THNSL2: variants seen among roughly 807,000 people sequenced by gnomAD.
The protein encoded by THNSL2 is threonine synthase-like 2.
A neutral mutation model predicts 40.0 loss-of-function variants in THNSL2; 34 were observed. That is an observed-to-expected ratio of 0.85 (90% CI 0.65 to 1.13). The LOEUF (loss-of-function observed/expected upper bound fraction) is 1.13, where lower values mean the gene tolerates loss of function less well. Ranked by LOEUF, THNSL2 falls within the 50% of genes most tolerant of loss-of-function variation. THNSL2 has a pLI of 0.00. For missense variants in THNSL2, 537 were observed against 608.8 expected (o/e 0.88, Z 1.24); for synonymous variants, 241 against 247.5 (o/e 0.97, Z 0.25).
chr2:88,184,940 T>C (rs1678104082), intron 7 of THNSL2, among the ~76,000 whole-genome samples: 1 of 151,812 alleles, frequency 6.6e-6, no homozygotes, highest in Non-Finnish European at 1.5e-5. Flanking sequence ...CTGAAGGAAG[T>C]AGGGAGGGCT....
At chr2:88,170,914 C>T (rs1676299419) in intron 1 of THNSL2, among the ~76,000 whole-genome samples, 1 of 152,114 alleles carries the variant, frequency 6.6e-6, no homozygotes, top group Non-Finnish European at 1.5e-5. Flanking sequence ...CCCTGAGGGG[C>T]GCCTGTCTAC....
At chr2:88,174,948 C>T in intron 3 of THNSL2, 115 bp downstream of exon 3, 1 of 1,262,678 alleles carries the variant, frequency 7.9e-7, no homozygotes, top group Non-Finnish European at 1.1e-6. Flanking sequence ...TCTTCCAGAG[C>T]AAGGTTCCTA....
intron 7 of THNSL2, 107 bp from the exon 8 acceptor site, chr2:88,185,221 C>T (rs1678139432): frequency 6.8e-7 from 1 of 1,463,268 alleles, no homozygotes. Context: ...CTGAATGTCC[C>T]ACTGGATCCC....
At chr2:88,170,779 G>A (rs1325235917) in intron 1 of THNSL2, among the ~76,000 whole-genome samples, 2 of 152,060 alleles carry the variant, frequency 1.3e-5, no homozygotes, top group East Asian at 3.9e-4. Flanking sequence ...GCCCTCCTTG[G>A]CGGGATGACT....
At chr2:88,183,208 C>A in intron 7 of THNSL2, 135 bp downstream of exon 7, 1 of 1,184,842 alleles carries the variant, frequency 8.4e-7, no homozygotes, top group Non-Finnish European at 1.2e-6. Flanking sequence ...CTTTTACGGC[C>A]ACTTTACATG....
chr2:88,171,093 C>T (rs1676321616), intron 1 of THNSL2: 2 of 338,560 alleles, frequency 5.9e-6, no homozygotes, highest in South Asian at 2.2e-5. Context: ...TCCGGGTCTC[C>T]ATCCCATGCT....
chr2:88,182,688 C>T lies in THNSL2; in HGVS notation c.803-11C>T. On this transcript the variant is annotated splice_polypyrimidine_tract_variant and intron_variant, in intron 5 of 8. Transcript: ENST00000674334. ...TAAAAAGCCATTGTTCTCCTCCTCT[C>T]TTGTCTTAAGCTGGGTACATTGCTC... The T allele has an allele frequency of 6.4e-7, 1 of 1,567,170 alleles. No individual in the cohort carries two copies. Among genetic ancestry groups the T allele is most frequent in the African/African-American group, 1.3e-5 (1 of 74,112 alleles).
chr2:88,182,918 G>A, intron 6 of THNSL2, 30 bp from the exon 7 acceptor site: 1 of 1,614,032 alleles, frequency 6.2e-7, no homozygotes, highest in Non-Finnish European at 8.5e-7. Flanking sequence ...GCTGAGATCA[G>A]TCTGGACCTG....
At chr2:88,181,797 G>C (rs373029029) in intron 5 of THNSL2, among the ~76,000 whole-genome samples, 53 of 152,092 alleles carry the variant, frequency 3.5e-4, no homozygotes, top group African/African-American at 1.2e-3. Context: ...TCCTTCGCCA[G>C]CCCTTGGTAA....
At chr2:88,183,100 G>T in intron 7 of THNSL2, 27 bp downstream of exon 7, 1 of 1,606,426 alleles carries the variant, frequency 6.2e-7, no homozygotes, top group Non-Finnish European at 8.5e-7. Context: ...ACACCACAGA[G>T]AAAGGAAAGG....
Position 88,178,660 on chromosome 2 carries a change from T to C in THNSL2, c.572-123T>C, listed in dbSNP as rs1182077925. On this transcript the variant is annotated intron_variant, in intron 4 of 8. Coordinates refer to ENST00000674334, the MANE Select transcript of THNSL2 (RefSeq NM_018271.5). ...CAAGCTACGTGAAAGTAAAGAAACC[T>C]AGGCTGCGCGAAGGTCCCAGGAGGG... The C allele has an allele frequency of 9.8e-6, 9 of 916,796 alleles. No homozygotes were observed. In the East Asian group the frequency reaches 1.8e-4, roughly 18 times the overall value. 56.8% of individuals were successfully genotyped at this position (916,796 alleles called of 1,614,324 possible).
rs535960328 is a variant in THNSL2 at position 88,183,204 on chromosome 2, C to T, written c.1077+131C>T. The T allele has an allele frequency of 2.1e-5, 26 of 1,238,594 alleles. No homozygotes were observed. In the South Asian group the frequency reaches 2.3e-4, roughly 11 times the overall value. The allele number at this position is 1,238,594 out of a possible 1,614,324, so 76.7% of individuals were successfully genotyped here. ...ACCTGCTATGAGCCCACCACTTTTA[C>T]GGCCACTTTACATGGAATAATTTAT... On this transcript the variant is annotated intron_variant, in intron 7 of 8. Transcript: ENST00000674334.
intron 5 of THNSL2, among the ~76,000 whole-genome samples, chr2:88,182,084 T>G (rs565506111): frequency 6.6e-6 from 1 of 152,326 alleles, no homozygotes; most frequent in African/African-American, 2.4e-5. Flanking sequence ...TGTGTACAAG[T>G]TTTCATGTGA....
At chr2:88,178,221 G>C (rs1447350687) in intron 4 of THNSL2, among the ~76,000 whole-genome samples, 1 of 152,154 alleles carries the variant, frequency 6.6e-6, no homozygotes, top group African/African-American at 2.4e-5. Flanking sequence ...CTTCAGGGAG[G>C]GGAAGTTCTG....
At chr2:88,174,605 C>A in intron 2 of THNSL2, 34 bp from the exon 3 acceptor site, 1 of 1,586,076 alleles carries the variant, frequency 6.3e-7, no homozygotes, top group Non-Finnish European at 8.6e-7. Flanking sequence ...GAGACCAGGC[C>A]CCTCATTGGC....
At chr2:88,182,634 A>C in intron 5 of THNSL2, 65 bp from the exon 6 acceptor site, 1 of 1,446,572 alleles carries the variant, frequency 6.9e-7, no homozygotes, top group Non-Finnish European at 9.2e-7. Flanking sequence ...ATGAAGCCCA[A>C]TTTACTTTTT....
chr2:88,173,022 T>C (rs1165749922), intron 1 of THNSL2, 117 bp from the exon 2 acceptor site: 2 of 569,686 alleles, frequency 3.5e-6, no homozygotes, highest in Non-Finnish European at 6.0e-6. Flanking sequence ...GTCTGGGACA[T>C]GTGCCCCGGA....
rs75211448 is a variant in THNSL2, at chr2:88,183,183, G to C, written c.1077+110G>C. On this transcript the variant is annotated intron_variant, in intron 7 of 8. Transcript: ENST00000674334. ...GAGGACACCTGTTTCTTGAGTACCT[G>C]CTATGAGCCCACCACTTTTACGGCC... The C allele has an allele frequency of 3.4e-3, 4,930 of 1,435,924 alleles. 151 individuals are homozygous for C. The African/African-American group carries it at 0.063, about 18-fold the overall frequency. The allele number at this position is 1,435,924 out of a possible 1,614,324, so 88.9% of individuals were successfully genotyped here.
intron 7 of THNSL2, 45 bp from the exon 8 acceptor site, chr2:88,185,283 A>G (rs756696798): frequency 1.9e-6 from 3 of 1,574,598 alleles, no homozygotes; most frequent in Middle Eastern, 1.7e-4. Context: ...ATCTTTCCCT[A>G]CATCCCCCCC....
Sources: gnomAD v4.1 joint callset for allele counts (sites outside exome capture counted in the v4.1 genomes callset) on GRCh38, gnomAD v4.1.1 for gene constraint, MANE v1.5 for transcripts, NCBI Gene and HGNC (gene_info 2026-07-23, HGNC 2026-07-21) for gene names.